Variants in RELL1 observed in about 807,000 individuals in gnomAD.
The protein encoded by RELL1 is RELT-like protein 1.
RELL1 carries 10 observed loss-of-function variants against 23.0 expected under a neutral mutation model. That is an observed-to-expected ratio of 0.43 (90% CI 0.27 to 0.74). The LOEUF (loss-of-function observed/expected upper bound fraction) is 0.74. RELL1 is among the 30% of genes least tolerant of loss of function. The pLI is 0.19. For missense variants in RELL1, 315 were observed against 364.4 expected, an observed-to-expected ratio of 0.86 and a Z score of 1.10; for synonymous variants, 146 against 146.8, an observed-to-expected ratio of 0.99 and a Z score of 0.04.
At chr4:37,590,662 G>A, downstream of RELL1, 1 of 1,614,114 alleles carries the variant, frequency 6.2e-7, no homozygotes, top group Non-Finnish European at 8.5e-7. Flanking sequence ...TGATCATAAT[G>A]AAAAGGACTG....
chr4:37,666,697 G>A (rs1414849797), intron 1 of RELL1, among the ~76,000 whole-genome samples: 2 of 152,162 alleles, frequency 1.3e-5, no homozygotes, highest in Admixed American at 1.3e-4. Context: ...ATAAGCCCTG[G>A]GGGTGAGTGA....
intron 4 of RELL1, 139 bp from the exon 5 acceptor site, chr4:37,635,262 T>A: frequency 1.5e-6 from 1 of 662,798 alleles, no homozygotes; most frequent in Non-Finnish European, 2.6e-6. Context: ...ATGGACTTTG[T>A]GAACAGACCT....
chr4:37,660,865 A>C (rs1050775262), intron 1 of RELL1, among the ~76,000 whole-genome samples: 19 of 152,224 alleles, frequency 1.2e-4, no homozygotes, highest in South Asian at 6.2e-4. Flanking sequence ...CCCCGTCTCT[A>C]CTAAAAATAT....
chr4:37,659,343 G>A (rs1415298389), intron 1 of RELL1, among the ~76,000 whole-genome samples: 2 of 152,202 alleles, frequency 1.3e-5, no homozygotes, highest in African/African-American at 4.8e-5. Context: ...GAACTGAGGA[G>A]GAGGCATGAA....
At chr4:37,603,420 C>T (rs191883904) in intron 6 of RELL1, among the ~76,000 whole-genome samples, 1 of 152,172 alleles carries the variant, frequency 6.6e-6, no homozygotes, top group East Asian at 1.9e-4. Context: ...TGGGTAGAAC[C>T]AACATGCCCC....
At chr4:37,599,684 G>A (rs1577554923) in intron 6 of RELL1, among the ~76,000 whole-genome samples, 2 of 152,268 alleles carry the variant, frequency 1.3e-5, no homozygotes, top group South Asian at 2.1e-4. Flanking sequence ...TGTTAACCCT[G>A]TGAGGACAGC....
At chr4:37,661,018 G>A (rs367832049) in intron 1 of RELL1, among the ~76,000 whole-genome samples, 1 of 150,250 alleles carries the variant, frequency 6.7e-6, no homozygotes, top group South Asian at 2.1e-4. Context: ...GTGACAGAGT[G>A]AGACTCTGTC....
chr4:37,618,255 G>T (rs1719640408), intron 6 of RELL1, among the ~76,000 whole-genome samples: 1 of 151,786 alleles, frequency 6.6e-6, no homozygotes, highest in African/African-American at 2.4e-5. Context: ...CTGTTGCCCA[G>T]GCTGGAGTAC....
intron 3 of RELL1, among the ~76,000 whole-genome samples, chr4:37,640,545 C>T (rs970354632): frequency 2.6e-5 from 4 of 152,144 alleles, no homozygotes; most frequent in South Asian, 2.1e-4. Flanking sequence ...TCCCCAGATC[C>T]GTGCAGACAC....
chr4:37,602,186 A>T (rs1719032468), intron 6 of RELL1, among the ~76,000 whole-genome samples: 1 of 148,890 alleles, frequency 6.7e-6, no homozygotes, highest in African/African-American at 2.5e-5. Context: ...CACTGCATTC[A>T]AGCCTAGGTG....
intron 1 of RELL1, among the ~76,000 whole-genome samples, chr4:37,684,085 AAAAT>A (rs1456860821): frequency 3.3e-5 from 5 of 152,204 alleles, no homozygotes; most frequent in Non-Finnish European, 7.3e-5. Context: ...CAAAAAGAAA[AAAAT>A]AAATAAAAAT....
At chr4:37,666,189 C>G (rs1345578384) in intron 1 of RELL1, among the ~76,000 whole-genome samples, 6 of 152,126 alleles carry the variant, frequency 3.9e-5, no homozygotes, top group African/African-American at 7.2e-5. Context: ...AATATTAAAC[C>G]CATCTTAGAA....
chr4:37,605,787 A>AAGAGAGAGAGAGAG (rs1214332381), downstream of RELL1, among the ~76,000 whole-genome samples: 2 of 54,506 alleles, frequency 3.7e-5, no homozygotes, highest in East Asian at 1.0e-3. Flanking sequence ...GAGAGAGAGA[A>AAGAGAGAGAGAGAG]AGAAAGAGAA....
chr4:37,670,322 G>A (rs573412871), intron 1 of RELL1, among the ~76,000 whole-genome samples: 12 of 151,634 alleles, frequency 7.9e-5, no homozygotes, highest in Non-Finnish European at 1.8e-4. Context: ...TGTAGACAGC[G>A]GTAAACCAGG....
chr4:37,647,177 G>C (rs560516400), intron 3 of RELL1, among the ~76,000 whole-genome samples, 191 bp downstream of exon 3: 9 of 152,310 alleles, frequency 5.9e-5, no homozygotes, highest in Non-Finnish European at 1.3e-4. Context: ...TCTCTGCAAC[G>C]CTTAGACCGA....
chr4:37,686,130 C>T, intron 1 of RELL1, 70 bp downstream of exon 1: 1 of 1,329,506 alleles, frequency 7.5e-7, no homozygotes, highest in Middle Eastern at 1.9e-4. Flanking sequence ...CCGTCCCGAC[C>T]CCTCGCTTCC....
At position 37,598,174 on chromosome 4, in the gene RELL1, A is replaced by G. The variant is rs570419847; in HGVS notation, c.*4-6957T>C. Among the ~76,000 whole-genome samples, 12 of 138,870 alleles carry G rather than the reference A, an allele frequency of 8.6e-5. No individual in the cohort carries two copies. In the East Asian group the frequency reaches 2.5e-3, roughly 29 times the overall value. 91.1% of individuals were successfully genotyped at this position (138,870 alleles called of 152,430 possible). On this transcript the variant is annotated intron_variant, in intron 6 of 6. Coordinates refer to the RELL1 transcript ENST00000314117. ...TTGTTGGTTTTGTTGGTTGGCTGCA[A>G]ATGACAGAAACCCAAACTAGATAAC...
At chr4:37,616,043 C>T (rs889419976) in intron 6 of RELL1, among the ~76,000 whole-genome samples, 11 of 151,932 alleles carry the variant, frequency 7.2e-5, no homozygotes, top group South Asian at 4.2e-4. Flanking sequence ...GGAGCCTAAG[C>T]GGATTAATGA....
intron 6 of RELL1, among the ~76,000 whole-genome samples, chr4:37,618,046 G>A (rs943407637): frequency 6.6e-5 from 10 of 152,198 alleles, no homozygotes; most frequent in Non-Finnish European, 1.0e-4. Context: ...AAGGAGCTTA[G>A]TGTATGCAGG....
Sources: allele counts gnomAD v4.1 joint callset (sites outside exome capture counted in the v4.1 genomes callset), GRCh38; gene constraint gnomAD v4.1.1; transcripts MANE v1.5; gene names NCBI Gene and HGNC (gene_info 2026-07-23, HGNC 2026-07-21).